Variants in NXPE2 observed in about 807,000 individuals in gnomAD.
NXPE2 encodes the protein neurexophilin and PC-esterase domain family member 2, also known as NXPE family member 2.
In NXPE2, 34 loss-of-function variants were observed where a neutral mutation model predicts 34.4. The ratio of observed to expected loss-of-function variants is 0.99; its 90% confidence interval spans 0.75 to 1.31. The LOEUF (loss-of-function observed/expected upper bound fraction) is 1.31. Among genes scored for constraint, NXPE2 ranks in the 40% most tolerant of loss-of-function variants. The pLI is 0.00. For missense variants in NXPE2, 649 were observed against 672.5 expected (o/e 0.97, Z 0.39); for synonymous variants, 235 against 231.3 (o/e 1.02, Z -0.15).
intron 2 of NXPE2, among the ~76,000 whole-genome samples, chr11:114,691,921 C>A (rs1258542506): frequency 6.6e-6 from 1 of 152,210 alleles, no homozygotes. Context: ...GGATTGACAC[C>A]CACAGACTAG....
chr11:114,485,055 G>A, the NXPE2 span, among the ~76,000 whole-genome samples: 2 of 152,008 alleles, frequency 1.3e-5, no homozygotes, highest in Non-Finnish European at 2.9e-5. Context: ...TCAAATTTTT[G>A]TGGTAACATA....
the NXPE2 span, among the ~76,000 whole-genome samples, chr11:114,798,397 CCTTTT>C: frequency 6.6e-6 from 1 of 152,004 alleles, no homozygotes; most frequent in Non-Finnish European, 1.5e-5. Context: ...CCTTCCCTTC[CCTTTT>C]CTTCTTTCCA....
chr11:114,584,108 G>T, the NXPE2 span: 16 of 289,876 alleles, frequency 5.5e-5, no homozygotes, highest in Non-Finnish European at 1.1e-4. Context: ...CAAGTGTGTG[G>T]AATCTGTCAA....
chr11:114,686,336 T>G (rs771815762), intron 2 of NXPE2, among the ~76,000 whole-genome samples: 8 of 152,258 alleles, frequency 5.3e-5, no homozygotes, highest in Admixed American at 1.3e-4. Context: ...TATCCAACGT[T>G]TAGCTCTCAC....
chr11:114,642,720 A>T, the NXPE2 span, among the ~76,000 whole-genome samples: 1 of 152,048 alleles, frequency 6.6e-6, no homozygotes, highest in Non-Finnish European at 1.5e-5. Flanking sequence ...ACTGCAATAT[A>T]CATATGTGTG....
chr11:114,616,681 C>T, the NXPE2 span, among the ~76,000 whole-genome samples: 17 of 148,512 alleles, frequency 1.1e-4, no homozygotes, highest in African/African-American at 3.8e-4. Flanking sequence ...TTGGATAATA[C>T]GTGTTGCCTC....
the NXPE2 span, among the ~76,000 whole-genome samples, chr11:114,777,010 A>C: frequency 6.6e-6 from 1 of 152,356 alleles, no homozygotes; most frequent in East Asian, 1.9e-4. Flanking sequence ...ATTCCTAAAC[A>C]ATAATTATGT....
chr11:114,585,844 G>A, the NXPE2 span, among the ~76,000 whole-genome samples: 4 of 152,118 alleles, frequency 2.6e-5, no homozygotes, highest in African/African-American at 9.7e-5. Flanking sequence ...GTGAATGCTG[G>A]CGGCTGTGTC....
At chr11:114,774,234 G>C in the NXPE2 span, among the ~76,000 whole-genome samples, 1 of 152,178 alleles carries the variant, frequency 6.6e-6, no homozygotes, top group African/African-American at 2.4e-5. Context: ...TATCACTAAG[G>C]GCAGAGAGAA....
the NXPE2 span, among the ~76,000 whole-genome samples, chr11:114,575,376 C>T: frequency 5.3e-5 from 8 of 151,926 alleles, no homozygotes; most frequent in African/African-American, 1.7e-4. Context: ...AAAGGACATC[C>T]GAATTGGTAA....
the NXPE2 span, among the ~76,000 whole-genome samples, chr11:114,593,798 T>C: frequency 3.3e-4 from 50 of 152,080 alleles, no homozygotes; most frequent in African/African-American, 1.2e-3. Flanking sequence ...GACAAATACA[T>C]AAAGAAAATA....
At chr11:114,609,634 A>G in the NXPE2 span, among the ~76,000 whole-genome samples, 1 of 151,338 alleles carries the variant, frequency 6.6e-6, no homozygotes, top group Non-Finnish European at 1.5e-5. Context: ...CCGATGGATA[A>G]TAAGTGTGGC....
the NXPE2 span, among the ~76,000 whole-genome samples, chr11:114,606,516 A>T: frequency 6.6e-6 from 1 of 151,720 alleles, no homozygotes; most frequent in Non-Finnish European, 1.5e-5. Context: ...CTCTAGGGTA[A>T]CCACTGTTAC....
chr11:114,813,213 G>T, the NXPE2 span, among the ~76,000 whole-genome samples: 1 of 152,324 alleles, frequency 6.6e-6, no homozygotes, highest in East Asian at 1.9e-4. Flanking sequence ...GTAATCACAG[G>T]TTCCTCCCAG....
upstream of NXPE2, among the ~76,000 whole-genome samples, chr11:114,675,197 A>T (rs1349910626): frequency 6.6e-6 from 1 of 151,818 alleles, no homozygotes; most frequent in African/African-American, 2.4e-5. Flanking sequence ...CAAACCCACA[A>T]CTAATATCAT....
At chr11:114,498,387 T>C in the NXPE2 span, among the ~76,000 whole-genome samples, 1 of 152,136 alleles carries the variant, frequency 6.6e-6, no homozygotes, top group Non-Finnish European at 1.5e-5. Flanking sequence ...TCATTAGACA[T>C]TGTATGCTTG....
At chr11:114,523,071 T>C in the NXPE2 span, 1 of 1,613,054 alleles carries the variant, frequency 6.2e-7, no homozygotes, top group Admixed American at 1.7e-5. Flanking sequence ...ACTTGGCATG[T>C]CTCTTCTATT....
chr11:114,556,345 C>A, the NXPE2 span, among the ~76,000 whole-genome samples: 2 of 152,168 alleles, frequency 1.3e-5, no homozygotes, highest in Non-Finnish European at 2.9e-5. Flanking sequence ...ACTTATTCAG[C>A]AGTTGTTCTG....
chr11:114,495,730 G>A, the NXPE2 span, among the ~76,000 whole-genome samples: 2 of 152,086 alleles, frequency 1.3e-5, no homozygotes, highest in Admixed American at 6.6e-5. Context: ...AGTAGACGAT[G>A]AATTTCACCA....
Sources: allele counts gnomAD v4.1 joint callset (sites outside exome capture counted in the v4.1 genomes callset), GRCh38; gene constraint gnomAD v4.1.1; transcripts MANE v1.5; gene names NCBI Gene and HGNC (gene_info 2026-07-23, HGNC 2026-07-21).